EDC3: variants seen among roughly 807,000 people sequenced by gnomAD.
EDC3 encodes enhancer of mRNA decapping 3.
Under a neutral mutation model 41.8 loss-of-function variants are expected in EDC3, and 20 were observed. The ratio of observed to expected loss-of-function variants is 0.48; its 90% CI spans 0.34 to 0.70. EDC3 has a LOEUF of 0.70. Among genes scored for constraint, EDC3 ranks in the 30% least tolerant of loss-of-function variants. The pLI, the probability that EDC3 is intolerant of heterozygous loss-of-function variation, is 0.01. For missense variants in EDC3, 444 were observed against 636.8 expected (o/e 0.70, Z 3.26); for synonymous variants, 206 against 243.2 (o/e 0.85, Z 1.42).
At chr15:74,652,576 G>T (rs1484704691) in intron 4 of EDC3, among the ~76,000 whole-genome samples, 1 of 148,768 alleles carries the variant, frequency 6.7e-6, no homozygotes, top group Non-Finnish European at 1.5e-5. Flanking sequence ...GATGTGATGG[G>T]TAAGGTTTTT....
chr15:74,679,775 A>C (rs886359345), intron 1 of EDC3: 6 of 150,222 alleles, frequency 4.0e-5, no homozygotes, highest in African/African-American at 1.2e-4. Context: ...AAAAAAAAAA[A>C]AAAAAAACAG....
intron 1 of EDC3, among the ~76,000 whole-genome samples, chr15:74,686,662 C>T (rs1324662886): frequency 6.6e-6 from 1 of 152,106 alleles, no homozygotes; most frequent in Non-Finnish European, 1.5e-5. Context: ...TGCCTGTAAT[C>T]CCAGCTATTT....
At chr15:74,654,246 T>C (rs550733091) in intron 4 of EDC3, among the ~76,000 whole-genome samples, 1 of 141,854 alleles carries the variant, frequency 7.0e-6, no homozygotes, top group East Asian at 2.3e-4. Flanking sequence ...AGAGTGAGAC[T>C]TCGTCTCAAA....
chr15:74,651,982 G>C (rs2062485849), intron 4 of EDC3, among the ~76,000 whole-genome samples: 1 of 152,140 alleles, frequency 6.6e-6, no homozygotes, highest in Admixed American at 6.5e-5. Context: ...GTAGAATACT[G>C]GTTGTTTACT....
intron 4 of EDC3, among the ~76,000 whole-genome samples, chr15:74,649,353 G>A (rs1453542788): frequency 2.0e-5 from 3 of 151,876 alleles, no homozygotes; most frequent in South Asian, 2.1e-4. Context: ...AGGCTCAAGC[G>A]AGCCAGCCTC....
chr15:74,641,002 C>T (rs2062345150), intron 4 of EDC3: 1 of 249,226 alleles, frequency 4.0e-6, no homozygotes. Context: ...GAAATGCCAT[C>T]TTGGGCAGCG....
At chr15:74,666,037 A>G (rs2062673327) in intron 3 of EDC3, among the ~76,000 whole-genome samples, 1 of 151,864 alleles carries the variant, frequency 6.6e-6, no homozygotes, top group Non-Finnish European at 1.5e-5. Flanking sequence ...AGCTCAGGCA[A>G]CCTGCCCGTC....
intron 1 of EDC3, among the ~76,000 whole-genome samples, chr15:74,682,695 A>C (rs1447096028): frequency 6.6e-6 from 1 of 151,684 alleles, no homozygotes; most frequent in Non-Finnish European, 1.5e-5. Flanking sequence ...CTGGTCATTT[A>C]TCCCAGAGAA....
At chr15:74,672,508 A>G (rs1430737198) in intron 2 of EDC3, among the ~76,000 whole-genome samples, 1 of 152,154 alleles carries the variant, frequency 6.6e-6, no homozygotes, top group Non-Finnish European at 1.5e-5. Flanking sequence ...AAAGACAAGT[A>G]CATATTCAAT....
intron 3 of EDC3, among the ~76,000 whole-genome samples, chr15:74,662,523 C>T (rs2062632651): frequency 6.6e-6 from 1 of 151,266 alleles, no homozygotes; most frequent in Non-Finnish European, 1.5e-5. Context: ...AGATTAACTA[C>T]AAGAAAAAGC....
At chr15:74,664,663 T>C (rs1027115228) in intron 3 of EDC3, among the ~76,000 whole-genome samples, 1 of 152,232 alleles carries the variant, frequency 6.6e-6, no homozygotes, top group Non-Finnish European at 1.5e-5. Flanking sequence ...TGAGAATATA[T>C]GGGACCTTCT....
At chr15:74,648,999 C>A (rs1386272486) in intron 4 of EDC3, among the ~76,000 whole-genome samples, 1 of 151,982 alleles carries the variant, frequency 6.6e-6, no homozygotes, top group African/African-American at 2.4e-5. Flanking sequence ...CTCAAGCAAT[C>A]CCCCAACCTG....
At chr15:74,642,863 G>GAGACATCACCCCCC (rs2062370464) in intron 4 of EDC3, 1 of 152,230 alleles carries the variant, frequency 6.6e-6, no homozygotes, top group Non-Finnish European at 1.5e-5. Context: ...TACAGGAGAG[G>GAGACATCACCCCCC]AGACATCACC....
chr15:74,652,855 C>T (rs1322292495), intron 4 of EDC3, among the ~76,000 whole-genome samples: 3 of 151,916 alleles, frequency 2.0e-5, no homozygotes, highest in African/African-American at 7.2e-5. Context: ...GCTGGGATTA[C>T]AGGCATGAGT....
rs536704225 is a variant in EDC3, at chr15:74,669,086, A to C, written c.484+2369T>G. ...TCCCATCTCTACTAAAAATACAAAA[A>C]TTAGCCGGGCGCAGTGGCTTATGCC... On this transcript the variant is annotated intron_variant, in intron 3 of 6. Transcript: ENST00000315127. Among the ~76,000 whole-genome samples the C allele has an allele frequency of 2.6e-5, 4 of 152,056 alleles. No individual in the cohort carries two copies. In the South Asian group the frequency reaches 8.3e-4, roughly 32 times the overall value.
intron 1 of EDC3, among the ~76,000 whole-genome samples, chr15:74,689,771 G>T (rs373151776): frequency 2.6e-5 from 4 of 152,120 alleles, no homozygotes; most frequent in Non-Finnish European, 4.4e-5. Flanking sequence ...TGATCCGCCC[G>T]CCTCGGCCTC....
chr15:74,670,681 C>T (rs748265976), intron 3 of EDC3, among the ~76,000 whole-genome samples: 1 of 152,242 alleles, frequency 6.6e-6, no homozygotes, highest in African/African-American at 2.4e-5. Flanking sequence ...CTGCCCGCCT[C>T]AGCCTCCCAA....
chr15:74,673,296 G>A (rs759350460), intron 2 of EDC3, among the ~76,000 whole-genome samples: 1 of 152,104 alleles, frequency 6.6e-6, no homozygotes, highest in Non-Finnish European at 1.5e-5. Context: ...GAATCCATAC[G>A]ATTTTGGCAA....
intron 3 of EDC3, among the ~76,000 whole-genome samples, chr15:74,660,059 A>G (rs28748032): frequency 1.2e-3 from 179 of 151,250 alleles, no homozygotes; most frequent in Non-Finnish European, 2.2e-3. Context: ...AAAAAAAAAT[A>G]AAATAAAATA....
Sources: gnomAD v4.1 joint callset for allele counts (sites outside exome capture counted in the v4.1 genomes callset) on GRCh38, gnomAD v4.1.1 for gene constraint, MANE v1.5 for transcripts, NCBI Gene and HGNC (gene_info 2026-07-23, HGNC 2026-07-21) for gene names.